The following TEC variants were observed in gnomAD, a reference collection of about 807,000 sequenced individuals.
The protein encoded by TEC is tyrosine-protein kinase Tec.
Under a neutral mutation model 93.0 loss-of-function variants are expected in TEC, and 72 were observed. That is an observed-to-expected ratio of 0.77 (90% CI 0.64 to 0.94). The LOEUF (loss-of-function observed/expected upper bound fraction) is 0.94. Among genes scored for constraint, TEC ranks in the 40% least tolerant of loss-of-function variants. The pLI is 0.00. For missense variants in TEC, 630 were observed against 757.9 expected (o/e 0.83, Z 1.98); for synonymous variants, 249 against 247.7 (o/e 1.01, Z -0.05).
intron 2 of TEC, among the ~76,000 whole-genome samples, chr4:48,178,632 G>C (rs1468409786): frequency 6.6e-6 from 1 of 152,140 alleles, no homozygotes; most frequent in Admixed American, 6.5e-5. Flanking sequence ...AAAGCAGTAA[G>C]AGGACTCATG....
At chr4:48,260,878 C>T (rs1218257088) in intron 1 of TEC, among the ~76,000 whole-genome samples, 1 of 152,202 alleles carries the variant, frequency 6.6e-6, no homozygotes, top group Non-Finnish European at 1.5e-5. Flanking sequence ...AGGGGATTCA[C>T]AAAGATTCTC....
At chr4:48,185,794 TCCCCCTCTCCCATCTCCCTCCC>T (rs1560397340) in intron 2 of TEC, among the ~76,000 whole-genome samples, 3 of 11,632 alleles carry the variant, frequency 2.6e-4, no homozygotes, top group East Asian at 2.9e-3. Context: ...TCCCTCCCCC[TCCCCCTCTCCCATCTCCCTCCC>T]CCTCCCCCTC....
At chr4:48,216,258 C>A (rs71614025) in intron 2 of TEC, among the ~76,000 whole-genome samples, 19,286 of 137,402 alleles carry the variant, frequency 0.14, 1,404 homozygotes, top group East Asian at 0.31. Context: ...AAAAAAAAAA[C>A]AAAAAACTGT....
At chr4:48,213,810 T>G (rs1722986724) in intron 2 of TEC, among the ~76,000 whole-genome samples, 1 of 152,180 alleles carries the variant, frequency 6.6e-6, no homozygotes, top group African/African-American at 2.4e-5. Flanking sequence ...TTTTAAGAGA[T>G]AGTCTTGCTA....
intron 2 of TEC, among the ~76,000 whole-genome samples, chr4:48,184,798 CACACACACAT>C (rs989692576): frequency 2.0e-5 from 3 of 151,730 alleles, no homozygotes; most frequent in African/African-American, 7.3e-5. Flanking sequence ...CACACACACA[CACACACACAT>C]TAAATATTAT....
chr4:48,187,762 C>G (rs533358872), intron 2 of TEC, among the ~76,000 whole-genome samples: 8 of 152,244 alleles, frequency 5.3e-5, no homozygotes, highest in African/African-American at 1.7e-4. Flanking sequence ...TGGTTTAATT[C>G]TTAACATTAG....
chr4:48,197,945 A>C (rs73138440), intron 2 of TEC, among the ~76,000 whole-genome samples: 1,725 of 152,258 alleles, frequency 0.011, 38 homozygotes, highest in African/African-American at 0.04. Context: ...CCAGGAACTC[A>C]AAGTGACCCC....
At position 48,137,492 on chromosome 4, in the gene TEC, T is replaced by C. The variant is rs760741758; in HGVS notation, c.1820A>G (p.Glu607Gly). ...CAGATCTTCGAAAGAAGGCCTTCCCTCTGGTTTCTACAATTAAAAGTCAAA... is the reference window on the plus strand; with the variant it reads ...CAGATCTTCGAAAGAAGGCCTTCCCCCTGGTTTCTACAATTAAAAGTCAAA... ...VMLRCWQEKP[E>G]GRPSFEDLLR... Residue 607 changes from glutamate (E) to glycine (G), a missense_variant, in exon 18 of 18, where the codon GAG becomes GGG. Physicochemically the swap from Glu to Gly is moderately conservative, Grantham distance 98. Around this residue, in one of 3 missense-constraint regions of TEC, gnomAD observed 289 missense variants for 390.0 expected, o/e 0.74. Coordinates refer to ENST00000381501, the MANE Select transcript of TEC (RefSeq NM_003215.3). The C allele has an allele frequency of 1.2e-6, 2 of 1,613,970 alleles. No homozygotes were observed. The highest frequency in any genetic ancestry group is 1.7e-6 in the Non-Finnish European group (2 of 1,179,926).
rs1719446178 is a variant in TEC at position 48,136,855 on chromosome 4, G to A, written c.*561C>T. The A allele has an allele frequency of 6.6e-6, 1 of 151,802 alleles. No homozygotes were observed. The highest frequency in any genetic ancestry group is 1.5e-5 in the Non-Finnish European group (1 of 67,978). The allele number at this position is 151,802 out of a possible 1,614,324, so 9.4% of individuals were successfully genotyped here. ...ATTATATATATTTACAATATATACA[G>A]CATACAAATATTGTTCATGTAATAC... On this transcript the variant is annotated 3_prime_UTR_variant, in exon 18 of 18. Coordinates refer to ENST00000381501, the MANE Select transcript of TEC (RefSeq NM_003215.3).
chr4:48,250,118 G>T (rs112871626), intron 1 of TEC, among the ~76,000 whole-genome samples: 142 of 152,272 alleles, frequency 9.3e-4, no homozygotes, highest in Admixed American at 2.2e-3. Flanking sequence ...TATCTAGCAG[G>T]TATCTCAAAC....
intron 1 of TEC, among the ~76,000 whole-genome samples, chr4:48,269,215 C>T (rs562221099): frequency 6.6e-6 from 1 of 152,266 alleles, no homozygotes; most frequent in South Asian, 2.1e-4. Context: ...ACTTTAAGTT[C>T]TAGGATACAT....
chr4:48,244,051 G>T (rs1284595576), intron 1 of TEC, among the ~76,000 whole-genome samples: 1 of 151,784 alleles, frequency 6.6e-6, no homozygotes, highest in Non-Finnish European at 1.5e-5. Context: ...TTGGTAGATG[G>T]CAAGGCAAAG....
At position 48,136,654 on chromosome 4, in the gene TEC, A is replaced by G. The variant is rs1331603297; in HGVS notation, c.*762T>C. 2 of 152,164 alleles carry G rather than the reference A, an allele frequency of 1.3e-5. No homozygotes were observed. The highest frequency in any genetic ancestry group is 4.8e-5 in the African/African-American group (2 of 41,432). 9.4% of individuals were successfully genotyped at this position (152,164 alleles called of 1,614,324 possible). On this transcript the variant is annotated 3_prime_UTR_variant, in exon 18 of 18. Transcript: ENST00000381501. The stretch of plus-strand genomic sequence containing the variant: ...TTTACCTGAGTGAGGAGGGGGCGTT[A>G]CTCATAGAAGAATCTAGACTTTCTT...
chr4:48,249,797 A>C (rs1346675578), intron 1 of TEC, among the ~76,000 whole-genome samples: 4 of 146,116 alleles, frequency 2.7e-5, no homozygotes, highest in Non-Finnish European at 4.5e-5. Context: ...AAGGCTGTAC[A>C]TGGCAGAGTG....
At chr4:48,175,191 G>C (rs1721274319) in intron 3 of TEC, among the ~76,000 whole-genome samples, 1 of 152,198 alleles carries the variant, frequency 6.6e-6, no homozygotes, top group Non-Finnish European at 1.5e-5. Flanking sequence ...CCAGGAGCTT[G>C]GATATTTTGG....
chr4:48,187,489 G>T (rs1324463613), intron 2 of TEC, among the ~76,000 whole-genome samples: 2 of 145,766 alleles, frequency 1.4e-5, no homozygotes, highest in Admixed American at 6.8e-5. Flanking sequence ...CAAAATCACA[G>T]AATCTTCATA....
At chr4:48,259,779 T>C (rs1255852123) in intron 1 of TEC, among the ~76,000 whole-genome samples, 1 of 151,954 alleles carries the variant, frequency 6.6e-6, no homozygotes, top group Non-Finnish European at 1.5e-5. Flanking sequence ...TCTGCTGTAG[T>C]TCTTTATCAA....
intron 2 of TEC, among the ~76,000 whole-genome samples, chr4:48,210,930 A>T (rs933833698): frequency 5.9e-5 from 9 of 152,222 alleles, no homozygotes; most frequent in Non-Finnish European, 1.3e-4. Flanking sequence ...AACCTACCTT[A>T]TGTATATAAT....
intron 1 of TEC, among the ~76,000 whole-genome samples, chr4:48,242,215 G>A (rs573923313): frequency 6.6e-5 from 10 of 152,174 alleles, no homozygotes; most frequent in Admixed American, 2.0e-4. Flanking sequence ...CATGTTACAC[G>A]TATACATAAA....
Sources: allele counts gnomAD v4.1 joint callset (sites outside exome capture counted in the v4.1 genomes callset), GRCh38; gene constraint gnomAD v4.1.1; regional missense constraint gnomAD v4.1.1; transcripts MANE v1.5; gene names NCBI Gene and HGNC (gene_info 2026-07-23, HGNC 2026-07-21).